The following CACNG4 variants were observed in gnomAD, a reference collection of about 807,000 sequenced individuals.
CACNG4 encodes the protein voltage-dependent calcium channel gamma-4 subunit.
Under a neutral mutation model 22.9 loss-of-function variants are expected in CACNG4, and 8 were observed. That is an observed-to-expected ratio of 0.35 (90% CI 0.21 to 0.63). The LOEUF is 0.63. Ranked by LOEUF, CACNG4 falls within the 30% of genes least tolerant of loss-of-function variation. CACNG4 has a pLI of 0.72. For missense variants in CACNG4, 357 were observed against 455.4 expected (o/e 0.78, Z 1.97); for synonymous variants, 188 against 191.9 (o/e 0.98, Z 0.17).
chr17:66,967,398 G>T (rs1435197394), intron 1 of CACNG4, among the ~76,000 whole-genome samples: 1 of 152,146 alleles, frequency 6.6e-6, no homozygotes, highest in Non-Finnish European at 1.5e-5. Context: ...GAATCATTGT[G>T]ACAGTCCCTC....
chr17:66,965,166 A>ACACACACG (rs2035159323), intron 1 of CACNG4, 35 bp downstream of exon 1: 1 of 1,071,156 alleles, frequency 9.3e-7, no homozygotes, highest in Non-Finnish European at 1.3e-6. Flanking sequence ...CGCCCCACAC[A>ACACACACG]CACACACACA....
At chr17:66,971,147 G>T (rs1408134754) in intron 1 of CACNG4, among the ~76,000 whole-genome samples, 1 of 152,144 alleles carries the variant, frequency 6.6e-6, no homozygotes, top group African/African-American at 2.4e-5. Flanking sequence ...CTCACTCTCT[G>T]TCATACAAAC....
intron 1 of CACNG4, among the ~76,000 whole-genome samples, chr17:67,017,948 C>T (rs116789294): frequency 1.8e-4 from 28 of 152,226 alleles, no homozygotes; most frequent in East Asian, 7.7e-4. Context: ...ATTACTCTCA[C>T]GTGCGTCCAC....
intron 1 of CACNG4, among the ~76,000 whole-genome samples, chr17:66,978,958 G>A (rs2035254725): frequency 1.3e-5 from 2 of 152,278 alleles, no homozygotes; most frequent in South Asian, 4.1e-4. Context: ...TGTGGCCTGC[G>A]GCCTTGAGGT....
At chr17:66,982,103 G>A (rs2035278832) in intron 1 of CACNG4, among the ~76,000 whole-genome samples, 2 of 152,164 alleles carry the variant, frequency 1.3e-5, no homozygotes, top group South Asian at 4.1e-4. Context: ...TCTTAAAGGT[G>A]GCACGGACCC....
chr17:66,989,809 A>T lies in CACNG4; in HGVS notation c.220+24678A>T, dbSNP rs1489659480. Among the ~76,000 whole-genome samples the T allele has an allele frequency of 2.6e-5, 4 of 151,192 alleles. No homozygotes were observed. The East Asian group carries it at 7.7e-4, about 29-fold the overall frequency. On this transcript the variant is annotated intron_variant, in intron 1 of 3. Coordinates refer to ENST00000262138, the MANE Select transcript of CACNG4 (RefSeq NM_014405.4). ...CCCTGAACCGCCCACCAACCTCCCA[A>T]TGTGGGTACTGTTCCTTTCCTGATT...
chr17:67,011,733 A>C (rs933349806), intron 1 of CACNG4, among the ~76,000 whole-genome samples: 2 of 152,240 alleles, frequency 1.3e-5, no homozygotes, highest in African/African-American at 2.4e-5. Flanking sequence ...TCTGTTGAGA[A>C]TGAATGAGTG....
chr17:66,988,561 G>GCCTCA (rs1316506730), intron 1 of CACNG4, among the ~76,000 whole-genome samples: 3 of 151,618 alleles, frequency 2.0e-5, no homozygotes, highest in Non-Finnish European at 4.4e-5. Flanking sequence ...CCCTCGCCTC[G>GCCTCA]CCTCACCTCA....
chr17:66,974,430 G>T (rs2035223604), intron 1 of CACNG4, among the ~76,000 whole-genome samples: 1 of 152,130 alleles, frequency 6.6e-6, no homozygotes, highest in South Asian at 2.1e-4. Flanking sequence ...AAAGAGGCCA[G>T]GCTTTGGGGT....
At chr17:66,986,502 G>A (rs1056591145) in intron 1 of CACNG4, among the ~76,000 whole-genome samples, 2 of 152,208 alleles carry the variant, frequency 1.3e-5, no homozygotes, top group Admixed American at 6.5e-5. Flanking sequence ...ATGCAAGAAT[G>A]AGAGCCCATT....
chr17:67,017,011 C>T (rs1012078578), intron 1 of CACNG4, among the ~76,000 whole-genome samples: 2 of 152,120 alleles, frequency 1.3e-5, no homozygotes, highest in African/African-American at 2.4e-5. Context: ...TTCCCTCAAC[C>T]GCATTGAGTG....
chr17:67,032,437 A>ACAGT lies in CACNG4; in HGVS notation c.*1435_*1438dup, dbSNP rs1210008964. 1 of 193,360 alleles carries ACAGT rather than the reference A, an allele frequency of 5.2e-6. No homozygotes were observed. The highest frequency in any genetic ancestry group is 1.1e-5 in the Non-Finnish European group (1 of 92,806). The allele number at this position is 193,360 out of a possible 1,614,324, so 12.0% of individuals were successfully genotyped here. A position where few individuals can be genotyped will look rare whatever the true frequency, so the allele number is the denominator to read the frequency against. On this transcript the variant is annotated 3_prime_UTR_variant, in exon 4 of 4. Transcript: ENST00000262138. ...TTGAGACTCCTTGATCCACCCTGGAACAGTCGCCTGTAGTCCTGGTAGCTG... is the reference window on the plus strand; with the variant it reads ...TTGAGACTCCTTGATCCACCCTGGAACAGTCAGTCGCCTGTAGTCCTGGTAGCTG...
chr17:66,993,170 G>A (rs1447503273), intron 1 of CACNG4, among the ~76,000 whole-genome samples: 3 of 152,246 alleles, frequency 2.0e-5, no homozygotes, highest in African/African-American at 7.2e-5. Context: ...TGGCTCGTGT[G>A]GGCCTGAGGC....
Position 67,030,684 on chromosome 17 carries a change from C to T in CACNG4, c.664C>T (p.Leu222Phe). The change falls in exon 4 of 4, where the codon CTT (leucine) becomes TTT (phenylalanine). Residue 222 changes from leucine (L) to phenylalanine (F), a missense_variant. This residue lies in a region of CACNG4 where 240 missense variants were observed against 277.6 expected (regional missense o/e 0.86). Coordinates refer to ENST00000262138, the MANE Select transcript of CACNG4 (RefSeq NM_014405.4). The surrounding 1 kb of genome is among the most constrained non-coding windows in gnomAD (Gnocchi z 6.4). Reference protein sequence around the residue: ...ELRFKTKREFLKASSSSPYAR... With the variant: ...ELRFKTKREFFKASSSSPYAR... Reference sequence around the variant, plus strand: ...GAGGTTTAAGACCAAACGGGAATTCCTTAAGGCGTCTTCCTCTTCTCCTTA... The same window carrying T: ...GAGGTTTAAGACCAAACGGGAATTCTTTAAGGCGTCTTCCTCTTCTCCTTA... 6.2e-7 allele frequency: 1 copy of T among 1,614,220 alleles called. No individual in the cohort carries two copies. The highest frequency in any genetic ancestry group is 1.1e-5 in the South Asian group (1 of 91,090).
At chr17:67,010,884 C>T (rs1475646632) in intron 1 of CACNG4, among the ~76,000 whole-genome samples, 1 of 152,138 alleles carries the variant, frequency 6.6e-6, no homozygotes, top group African/African-American at 2.4e-5. Context: ...GACAGAGAGA[C>T]ACAGGCATGC....
At chr17:66,978,476 CT>C (rs1168508304) in intron 1 of CACNG4, among the ~76,000 whole-genome samples, 3 of 152,146 alleles carry the variant, frequency 2.0e-5, no homozygotes, top group Non-Finnish European at 4.4e-5. Flanking sequence ...CACTTCACCC[CT>C]CCCCCACACA....
At chr17:66,978,759 C>T (rs769427892) in intron 1 of CACNG4, among the ~76,000 whole-genome samples, 13 of 152,362 alleles carry the variant, frequency 8.5e-5, no homozygotes, top group South Asian at 4.1e-4. Context: ...GACATTTTCT[C>T]GCTTCAGCAG....
chr17:67,024,753 G>A (rs1023662746), intron 2 of CACNG4, 107 bp from the exon 3 acceptor site: 3 of 1,232,224 alleles, frequency 2.4e-6, no homozygotes, highest in African/African-American at 3.1e-5. Flanking sequence ...TCAAATCCTG[G>A]GGAAGGGCCT....
rs2035601810 is a variant in CACNG4 at position 67,030,959 on chromosome 17, A to G, written c.939A>G (p.Glu313=). Reference sequence around the variant, plus strand: ...ACTTTTTCCAGCAGGACCTGAAGGAAGGTTTCCACGTCAGCATGCTGAACC... The same window carrying G: ...ACTTTTTCCAGCAGGACCTGAAGGAGGGTTTCCACGTCAGCATGCTGAACC... ...VHDFFQQDLK[E]GFHVSMLNRR... is the part of the protein sequence containing the mutation. Residue 313 remains glutamate (E), a synonymous_variant, in exon 4 of 4, where the codon GAA becomes GAG. Coordinates refer to ENST00000262138, the MANE Select transcript of CACNG4 (RefSeq NM_014405.4). This position sits in a 1 kb window ranked among gnomAD's most constrained non-coding sequence, Gnocchi z 6.4. The G allele has an allele frequency of 6.8e-6, 11 of 1,613,882 alleles. No homozygotes were observed. In the East Asian group the frequency reaches 2.2e-4, roughly 33 times the overall value.
Sources: gnomAD v4.1 joint callset for allele counts (sites outside exome capture counted in the v4.1 genomes callset) on GRCh38, gnomAD v4.1.1 for gene constraint, gnomAD v4.1.1 regional missense constraint, Gnocchi (gnomAD v3.1) non-coding constraint, MANE v1.5 for transcripts, NCBI Gene and HGNC (gene_info 2026-07-23, HGNC 2026-07-21) for gene names.